The following TRABD2B variants were observed in gnomAD, a reference collection of about 807,000 sequenced individuals.
TRABD2B encodes the protein metalloprotease TIKI2.
Under a neutral mutation model 40.1 loss-of-function variants are expected in TRABD2B, and 14 were observed. That is an observed-to-expected ratio of 0.35 (90% CI 0.23 to 0.55). TRABD2B has a LOEUF of 0.55. TRABD2B is among the 20% of genes least tolerant of loss of function. The pLI, the probability that TRABD2B is intolerant of heterozygous loss-of-function variation, is 0.90. For synonymous variants in TRABD2B, 263 were observed against 277.0 expected, an observed-to-expected ratio of 0.95 and a Z score of 0.50; for missense variants, 541 against 648.6, an observed-to-expected ratio of 0.83 and a Z score of 1.80.
At chr1:47,904,171 G>A (rs1223392117) in intron 2 of TRABD2B, among the ~76,000 whole-genome samples, 1 of 152,202 alleles carries the variant, frequency 6.6e-6, no homozygotes, top group Non-Finnish European at 1.5e-5. Flanking sequence ...GAAAATGAGG[G>A]AAGGCTTCCT....
intron 2 of TRABD2B, among the ~76,000 whole-genome samples, chr1:47,949,987 G>C (rs2148380854): frequency 6.6e-6 from 1 of 152,228 alleles, no homozygotes; most frequent in Middle Eastern, 3.4e-3. Flanking sequence ...ATGGTGTAAA[G>C]AAAGGAGAGA....
At chr1:47,795,182 C>T (rs897355509) in intron 3 of TRABD2B, among the ~76,000 whole-genome samples, 6 of 152,342 alleles carry the variant, frequency 3.9e-5, no homozygotes, top group African/African-American at 1.4e-4. Flanking sequence ...ATGTTTTGTA[C>T]ATGTTTCTCA....
rs1360200108 is a variant in TRABD2B, at chr1:47,994,332, C to T, written c.368G>A (p.Arg123His). ...LPHELYWRLK[R>H]HLDYVKLMMP... is the part of the protein sequence containing the mutation. ...CATCAACTTCACGTAGTCCAGGTGGCGCTTCAAGCGCCAGTAAAGCTCGTG... is the reference window on the plus strand; with the variant it reads ...CATCAACTTCACGTAGTCCAGGTGGTGCTTCAAGCGCCAGTAAAGCTCGTG... Residue 123 changes from arginine to histidine, a missense_variant, in exon 2 of 7, where the codon CGC (arginine) becomes CAC (histidine). Physicochemically the swap from Arg to His is conservative, Grantham distance 29. Coordinates refer to ENST00000606738, the MANE Select transcript of TRABD2B (RefSeq NM_001194986.2). The surrounding 1 kb of genome is among the most constrained non-coding windows in gnomAD (Gnocchi z 6.7). The T allele has an allele frequency of 5.9e-6, 9 of 1,536,128 alleles. No individual in the cohort carries two copies. Among genetic ancestry groups the T allele is most frequent in the Non-Finnish European group, 7.8e-6 (9 of 1,146,938 alleles).
chr1:47,960,848 T>C (rs549054963), intron 2 of TRABD2B, among the ~76,000 whole-genome samples: 8 of 152,086 alleles, frequency 5.3e-5, no homozygotes, highest in South Asian at 4.2e-4. Flanking sequence ...CTTCACAGAA[T>C]TGGAAAAAAC....
rs763399200 is a variant in TRABD2B, at chr1:47,994,026, A to G, written c.666+8T>C. 3.9e-6 allele frequency: 6 copies of G among 1,532,072 alleles called. No individual in the cohort carries two copies. The highest frequency in any genetic ancestry group is 4.4e-6 in the Non-Finnish European group (5 of 1,143,938). The allele number at this position is 1,532,072 out of a possible 1,614,324, so 94.9% of individuals were successfully genotyped here. On this transcript the variant is annotated splice_region_variant and intron_variant, in intron 2 of 6. Transcript: ENST00000606738. This position sits in a 1 kb window ranked among gnomAD's most constrained non-coding sequence, Gnocchi z 6.7. ...TGTCAGCTCCGGGCTGGGGCACTGC[A>G]TGCCTACCTGGGAGAAGTTGAGCCC...
intron 2 of TRABD2B, among the ~76,000 whole-genome samples, chr1:47,949,711 G>C (rs1257487189): frequency 6.6e-6 from 1 of 151,882 alleles, no homozygotes; most frequent in African/African-American, 2.4e-5. Context: ...CCCAGCCTAT[G>C]ATTGTACTTT....
intron 4 of TRABD2B, among the ~76,000 whole-genome samples, chr1:47,789,372 C>CA (rs771796267): frequency 2.0e-5 from 3 of 152,174 alleles, no homozygotes; most frequent in Non-Finnish European, 4.4e-5. Flanking sequence ...TTGTAGCTGG[C>CA]ATGTGCCCTA....
At chr1:47,927,017 A>G (rs1644979216) in intron 2 of TRABD2B, among the ~76,000 whole-genome samples, 1 of 152,234 alleles carries the variant, frequency 6.6e-6, no homozygotes, top group South Asian at 2.1e-4. Flanking sequence ...CAAGTGCTGG[A>G]TTGTATGACG....
chr1:47,926,292 G>A (rs1267214333), intron 2 of TRABD2B, among the ~76,000 whole-genome samples: 1 of 152,176 alleles, frequency 6.6e-6, no homozygotes, highest in Non-Finnish European at 1.5e-5. Context: ...GATAAGACTG[G>A]GGAAGTAAAA....
At chr1:47,852,432 C>T (rs1295428130) in intron 2 of TRABD2B, among the ~76,000 whole-genome samples, 1 of 152,194 alleles carries the variant, frequency 6.6e-6, no homozygotes, top group East Asian at 1.9e-4. Flanking sequence ...TTCATTTTCA[C>T]GATCCCCTTT....
chr1:47,778,842 A>C (rs207460103), intron 4 of TRABD2B, among the ~76,000 whole-genome samples: 1 of 152,070 alleles, frequency 6.6e-6, no homozygotes, highest in Admixed American at 6.5e-5. Context: ...TGAGGATTAT[A>C]AAAAACAGCT....
At chr1:47,907,169 G>A (rs993319200) in intron 2 of TRABD2B, among the ~76,000 whole-genome samples, 5 of 152,192 alleles carry the variant, frequency 3.3e-5, no homozygotes, top group South Asian at 2.1e-4. Context: ...CTGGGGCTGC[G>A]GGCCCCAGGC....
At chr1:47,897,380 C>T (rs1247273216) in intron 2 of TRABD2B, among the ~76,000 whole-genome samples, 1 of 152,024 alleles carries the variant, frequency 6.6e-6, no homozygotes, top group Non-Finnish European at 1.5e-5. Context: ...CCTAGGCGGC[C>T]ATAGAAGGAG....
chr1:47,927,882 C>T (rs908137827), intron 2 of TRABD2B, among the ~76,000 whole-genome samples: 4 of 152,280 alleles, frequency 2.6e-5, no homozygotes, highest in Admixed American at 2.6e-4. Flanking sequence ...CTTCTCTCCC[C>T]AACAAGAGTC....
rs1643902852 is a variant in TRABD2B, at chr1:47,857,335, C to T, written c.667-55716G>A. 1.3e-5 allele frequency among the ~76,000 whole-genome samples: 2 copies of T among 152,176 alleles called. 1 individual carries two copies. Among genetic ancestry groups the T allele is most frequent in the South Asian group, 4.1e-4 (2 of 4,828 alleles). On this transcript the variant is annotated intron_variant, in intron 2 of 6. Transcript: ENST00000606738. ...CCTGAGCTCTCATCTTCTTAGCCTG[C>T]AGACTTGGCAGGTGCTCCTGTTTAG...
In TRABD2B at chr1:47,990,816, TATATATATATATATATATAA is replaced by T. The variant is rs1570428490; in HGVS notation, c.666+3198_666+3217del. On this transcript the variant is annotated intron_variant, in intron 2 of 6. Transcript: ENST00000606738. ...ATATATATATATATATATATATATA[TATATATATATATATATATAA>T]AACGTTGGTTTTAGTGTTGAGGCTG... is the stretch of plus-strand genomic sequence containing the variant. 9.0e-5 allele frequency among the ~76,000 whole-genome samples: 7 copies of T among 78,158 alleles called. No individual in the cohort carries two copies. The East Asian group carries it at 1.2e-3, about 13-fold the overall frequency. The allele number at this position is 78,158 out of a possible 152,430, so 51.3% of individuals were successfully genotyped here.
At chr1:47,879,964 T>C (rs1194813849) in intron 2 of TRABD2B, among the ~76,000 whole-genome samples, 1 of 152,230 alleles carries the variant, frequency 6.6e-6, no homozygotes, top group Non-Finnish European at 1.5e-5. Flanking sequence ...GAGTAACAAC[T>C]GCTTCACTCC....
At chr1:47,830,325 C>T (rs916808768) in intron 2 of TRABD2B, among the ~76,000 whole-genome samples, 2 of 152,174 alleles carry the variant, frequency 1.3e-5, no homozygotes, top group East Asian at 3.9e-4. Context: ...AATTCTAGAC[C>T]CTTGGGGAGA....
At chr1:47,781,529 C>G (rs967939550) in intron 4 of TRABD2B, among the ~76,000 whole-genome samples, 2 of 152,208 alleles carry the variant, frequency 1.3e-5, no homozygotes, top group Non-Finnish European at 2.9e-5. Context: ...GCGTTCCTAT[C>G]CATCCCCTCA....
Sources: allele counts gnomAD v4.1 joint callset (sites outside exome capture counted in the v4.1 genomes callset), GRCh38; gene constraint gnomAD v4.1.1; non-coding constraint Gnocchi (gnomAD v3.1); transcripts MANE v1.5; gene names NCBI Gene and HGNC (gene_info 2026-07-23, HGNC 2026-07-21).